Variants in CDX2 observed in about 807,000 individuals in gnomAD.
CDX2 encodes the protein caudal type homeobox 2, also known as homeobox protein CDX-2.
In CDX2, 7 loss-of-function variants were observed where a neutral mutation model predicts 25.5. The ratio of observed to expected loss-of-function variants is 0.27; its 90% CI spans 0.16 to 0.52. The LOEUF is 0.52. Among genes scored for constraint, CDX2 ranks in the 20% least tolerant of loss-of-function variants. CDX2 has a pLI of 0.97. For missense variants in CDX2, 375 were observed against 431.4 expected, an observed-to-expected ratio of 0.87 and a Z score of 1.16; for synonymous variants, 222 against 198.6, an observed-to-expected ratio of 1.12 and a Z score of -0.99.
chr13:27,968,571 C>T lies in CDX2; in HGVS notation c.436G>A (p.Gly146Arg). The T allele has an allele frequency of 6.4e-7, 1 of 1,570,038 alleles. No homozygotes were observed. The highest frequency in any genetic ancestry group is 8.6e-7 in the Non-Finnish European group (1 of 1,167,688). Reference protein sequence around the residue: ...LLQTLNPGPPGPAATAAAEQL... With the variant: ...LLQTLNPGPPRPAATAAAEQL... ...TCGGCGGCAGCGGTGGCGGCGGGCCCAGGAGGGCCGGGGTTGAGCGTTTGC... is the reference window on the plus strand; with the variant it reads ...TCGGCGGCAGCGGTGGCGGCGGGCCTAGGAGGGCCGGGGTTGAGCGTTTGC... The change falls in exon 1 of 3, where the codon GGG becomes AGG. Residue 146 changes from glycine to arginine, a missense_variant. Transcript: ENST00000381020.
In CDX2 at chr13:27,964,130, T is replaced by C. The variant is rs531502186; in HGVS notation, c.687+740A>G. On this transcript the variant is annotated intron_variant, in intron 2 of 2. Coordinates refer to ENST00000381020, the MANE Select transcript of CDX2 (RefSeq NM_001265.6). The surrounding 1 kb of genome is among the most constrained non-coding windows in gnomAD (Gnocchi z 4.7). ...AAAAGTACTCCAGGGCCAGGCACAG[T>C]GGCTCACACCTGTAATCTCAGCACT... Among the ~76,000 whole-genome samples the C allele has an allele frequency of 6.5e-4, 99 of 152,320 alleles. No homozygotes were observed. Among genetic ancestry groups the C allele is most frequent in the Admixed American group, 1.8e-3 (28 of 15,302 alleles).
chr13:27,968,551 G>T lies in CDX2; in HGVS notation c.456C>A (p.Ala152=), dbSNP rs751277189. 3.8e-6 allele frequency: 6 copies of T among 1,568,264 alleles called. No homozygotes were observed. In the South Asian group the frequency reaches 5.7e-5, roughly 15 times the overall value. The change falls in exon 1 of 3, where the codon GCC becomes GCA. Residue 152 remains alanine, a synonymous_variant. Transcript: ENST00000381020. ...GGCCGCCGGGAGACAGCTGCTCGGC[G>T]GCAGCGGTGGCGGCGGGCCCAGGAG... is the stretch of plus-strand genomic sequence containing the variant. ...PGPPGPAATA[A]AEQLSPGGQR...
At chr13:27,963,618 C>T (rs779304154) in intron 2 of CDX2, among the ~76,000 whole-genome samples, 1 of 152,138 alleles carries the variant, frequency 6.6e-6, no homozygotes, top group Non-Finnish European at 1.5e-5. Context: ...CTTTTATCTA[C>T]GTATTTACTG....
At chr13:27,963,501 G>C in intron 2 of CDX2, 132 bp from the exon 3 acceptor site, 1 of 763,592 alleles carries the variant, frequency 1.3e-6, no homozygotes, top group Non-Finnish European at 2.1e-6. Flanking sequence ...AGCTTTCCTC[G>C]GGCATCCCCA....
Position 27,963,240 on chromosome 13 carries a change from C to G in CDX2, c.817G>C (p.Gly273Arg), listed in dbSNP as rs1425163098. ...GGCTCTGGGACACTTCTCAGAGGACCTGGCTGAGGCTGGGGAGGCTGTGGT... is the reference window on the plus strand; with the variant it reads ...GGCTCTGGGACACTTCTCAGAGGACGTGGCTGAGGCTGGGGAGGCTGTGGT... ...PPPQPPQPQP[G>R]PLRSVPEPLS... is the part of the protein sequence containing the mutation. Residue 273 changes from glycine (G) to arginine (R), a missense_variant, in exon 3 of 3, where the codon GGT becomes CGT. Gly to Arg is a moderately radical substitution (Grantham distance 125). Around this residue, in one of 3 missense-constraint regions of CDX2, gnomAD observed 58 missense variants for 59.4 expected, o/e 0.98. Transcript: ENST00000381020. 5 of 1,614,034 alleles carry G rather than the reference C, an allele frequency of 3.1e-6. No homozygotes were observed. Among genetic ancestry groups the G allele is most frequent in the Non-Finnish European group, 4.2e-6 (5 of 1,180,026 alleles).
At chr13:27,965,584 C>A (rs1351117687) in intron 1 of CDX2, among the ~76,000 whole-genome samples, 1 of 152,212 alleles carries the variant, frequency 6.6e-6, no homozygotes, top group Non-Finnish European at 1.5e-5. Flanking sequence ...TGGGCTCTGG[C>A]CGAGGGAACA....
In CDX2 at chr13:27,968,757, C is replaced by T. The variant is rs903262296; in HGVS notation, c.250G>A (p.Gly84Ser). The change falls in exon 1 of 3, where the codon GGC becomes AGC. Residue 84 changes from glycine (G) to serine (S), a missense_variant. Physicochemically the swap from Gly to Ser is moderately conservative, Grantham distance 56. Coordinates refer to ENST00000381020, the MANE Select transcript of CDX2 (RefSeq NM_001265.6). ...REDWNGYAPG[G>S]AAAAANAVAH... ...ACGGCGTTGGCGGCGGCCGCGGCGC[C>T]TCCGGGCGCGTAGCCATTCCAGTCC... The T allele has an allele frequency of 2.4e-5, 36 of 1,503,760 alleles. 1 individual carries two copies. The highest frequency in any genetic ancestry group is 4.3e-5 in the Admixed American group (2 of 46,264). 93.2% of individuals were successfully genotyped at this position (1,503,760 alleles called of 1,614,324 possible). A position where few individuals can be genotyped will look rare whatever the true frequency, so the allele number is the denominator to read the frequency against.
In CDX2 at chr13:27,962,412, A is replaced by G; in HGVS notation, c.*703T>C. The stretch of plus-strand genomic sequence containing the variant: ...TATAGCACTGACATACATTCAGCCC[A>G]GAGAAGCTCTGGTGACAGGCTCTCT... On this transcript the variant is annotated 3_prime_UTR_variant, in exon 3 of 3. Transcript: ENST00000381020. The G allele has an allele frequency of 4.3e-6, 1 of 233,120 alleles. No individual in the cohort carries two copies. Among genetic ancestry groups the G allele is most frequent in the Non-Finnish European group, 8.5e-6 (1 of 117,730 alleles). 14.4% of individuals were successfully genotyped at this position (233,120 alleles called of 1,614,324 possible). A position where few individuals can be genotyped will look rare whatever the true frequency, so the allele number is the denominator to read the frequency against.
Position 27,968,940 on chromosome 13 carries a change from C to T in CDX2, c.67G>A (p.Gly23Ser), listed in dbSNP as rs993889248. 8 of 1,608,558 alleles carry T rather than the reference C, an allele frequency of 5.0e-6. No homozygotes were observed. Among genetic ancestry groups the T allele is most frequent in the Non-Finnish European group, 6.8e-6 (8 of 1,179,196 alleles). ...AAGTTCTGCGGCGCCAGGTTGAGGC[C>T]GCCAGAGTGGCGCACGGAGCTAGGG... ...MYPSSVRHSG[G>S]LNLAPQNFVS... The change falls in exon 1 of 3, where the codon GGC becomes AGC. Residue 23 changes from glycine (G) to serine (S), a missense_variant. Physicochemically the swap from Gly to Ser is moderately conservative, Grantham distance 56. Around this residue, in one of 3 missense-constraint regions of CDX2, gnomAD observed 253 missense variants for 247.5 expected, o/e 1.02. Transcript: ENST00000381020.
chr13:27,966,015 A>C (rs1869300974), intron 1 of CDX2, among the ~76,000 whole-genome samples: 1 of 152,238 alleles, frequency 6.6e-6, no homozygotes, highest in African/African-American at 2.4e-5. Flanking sequence ...CCGCAGGCTG[A>C]CTTTGTTCAG....
Position 27,961,340 on chromosome 13 carries a change from T to C in CDX2, c.*1775A>G, listed in dbSNP as rs2137530482. 6.6e-6 allele frequency among the ~76,000 whole-genome samples: 1 copy of C among 152,352 alleles called. No homozygotes were observed. The highest frequency in any genetic ancestry group is 6.5e-5 in the Admixed American group (1 of 15,310). ...AAGGCGCCTCCGTGGGCGCGCTGATTAGGCTCTCGGATGTTGGTGGGAAGA... is the reference window on the plus strand; with the variant it reads ...AAGGCGCCTCCGTGGGCGCGCTGATCAGGCTCTCGGATGTTGGTGGGAAGA... On this transcript the variant is annotated 3_prime_UTR_variant, in exon 3 of 3. Transcript: ENST00000381020.
Position 27,964,891 on chromosome 13 carries a change from C to T in CDX2, c.666G>A (p.Thr222=), listed in dbSNP as rs778236024. The change falls in exon 2 of 3, where the codon ACG becomes ACA. Residue 222 remains threonine, a synonymous_variant. Transcript: ENST00000381020. The surrounding 1 kb of genome is among the most constrained non-coding windows in gnomAD (Gnocchi z 4.7). ...CCACCTGCCTCTCAGAGAGCCCCAG[C>T]GTGGCGGCTAGCTCGGCTTTCCTCC... ...TIRRKAELAA[T]LGLSERQVKI... is the part of the protein sequence containing the mutation. 6.8e-6 allele frequency: 11 copies of T among 1,614,082 alleles called. No homozygotes were observed. The highest frequency in any genetic ancestry group is 3.3e-5 in the South Asian group (3 of 91,076).
At position 27,966,279 on chromosome 13, in the gene CDX2, G is replaced by T. The variant is rs369331640; in HGVS notation, c.542-1264C>A. 3.3e-5 allele frequency among the ~76,000 whole-genome samples: 5 copies of T among 152,334 alleles called. No homozygotes were observed. The East Asian group carries it at 9.7e-4, about 29-fold the overall frequency. On this transcript the variant is annotated intron_variant, in intron 1 of 2. Transcript: ENST00000381020. ...CATTAACATAAACACGACCCTGCAGGCGCATTTGAATGGGGCTGCGGCCCC... is the reference window on the plus strand; with the variant it reads ...CATTAACATAAACACGACCCTGCAGTCGCATTTGAATGGGGCTGCGGCCCC...
rs1279218920 is a variant in CDX2 at position 27,968,676 on chromosome 13, C to T, written c.331G>A (p.Ala111Thr). 4.6e-6 allele frequency: 7 copies of T among 1,533,326 alleles called. No homozygotes were observed. Among genetic ancestry groups the T allele is most frequent in the East Asian group, 2.5e-5 (1 of 39,978 alleles). 95.0% of individuals were successfully genotyped at this position (1,533,326 alleles called of 1,614,324 possible). The change falls in exon 1 of 3, where the codon GCA becomes ACA. Residue 111 changes from alanine to threonine, a missense_variant. Transcript: ENST00000381020. ...PAAAMGYSSP[A>T]DYHPHHHPHH... is the part of the protein sequence containing the mutation. ...GGGTGGTGGTGCGGATGGTAGTCTG[C>T]GGGGCTGCTGTAGCCCATGGCTGCG...
In CDX2 at chr13:27,962,914, G is replaced by C; in HGVS notation, c.*201C>G. On this transcript the variant is annotated 3_prime_UTR_variant, in exon 3 of 3. Transcript: ENST00000381020. The stretch of plus-strand genomic sequence containing the variant: ...GGCAGAAAAAGCCAGATGGGAAAAA[G>C]TAAAAATCTGGGAGAGTATATTTCT... 1.7e-6 allele frequency: 1 copy of C among 591,334 alleles called. No individual in the cohort carries two copies. 36.6% of individuals were successfully genotyped at this position (591,334 alleles called of 1,614,324 possible).
chr13:27,968,187 C>T (rs1284398837), intron 1 of CDX2, among the ~76,000 whole-genome samples: 4 of 152,252 alleles, frequency 2.6e-5, no homozygotes, highest in South Asian at 2.1e-4. Context: ...CCCGGAGCTT[C>T]CCGAAGGTGT....
At position 27,962,744 on chromosome 13, in the gene CDX2, C is replaced by A; in HGVS notation, c.*371G>T. On this transcript the variant is annotated 3_prime_UTR_variant, in exon 3 of 3. Transcript: ENST00000381020. ...CCTTTCCCTTGAGTCCCTCTCTCCCCTCGGCTCTAGCCAGAGGTGCAGCCT... is the reference window on the plus strand; with the variant it reads ...CCTTTCCCTTGAGTCCCTCTCTCCCATCGGCTCTAGCCAGAGGTGCAGCCT... 4.0e-6 allele frequency: 1 copy of A among 252,000 alleles called. No homozygotes were observed. Among genetic ancestry groups the A allele is most frequent in the Admixed American group, 5.4e-5 (1 of 18,634 alleles). The allele number at this position is 252,000 out of a possible 1,614,324, so 15.6% of individuals were successfully genotyped here. A position where few individuals can be genotyped will look rare whatever the true frequency, so the allele number is the denominator to read the frequency against.
At position 27,964,290 on chromosome 13, in the gene CDX2, T is replaced by C. The variant is rs1468503164; in HGVS notation, c.687+580A>G. 6.6e-6 allele frequency among the ~76,000 whole-genome samples: 1 copy of C among 152,138 alleles called. No individual in the cohort carries two copies. The highest frequency in any genetic ancestry group is 1.5e-5 in the Non-Finnish European group (1 of 68,022). ...GGCACATGCCTGTAGTCCCAGCTAT[T>C]TGGGAGGCTGAAGCAGGAGAATCGC... On this transcript the variant is annotated intron_variant, in intron 2 of 2. Coordinates refer to ENST00000381020, the MANE Select transcript of CDX2 (RefSeq NM_001265.6). This position sits in a 1 kb window ranked among gnomAD's most constrained non-coding sequence, Gnocchi z 4.7.
At position 27,961,424 on chromosome 13, in the gene CDX2, G is replaced by C. The variant is rs1054253911; in HGVS notation, c.*1691C>G. Reference sequence around the variant, plus strand: ...TCCTGCCGGAAAGTTCAGCTCGGCGGCCTCCAGGATCAAAAATTTTAAAGG... The same window carrying C: ...TCCTGCCGGAAAGTTCAGCTCGGCGCCCTCCAGGATCAAAAATTTTAAAGG... On this transcript the variant is annotated 3_prime_UTR_variant, in exon 3 of 3. Transcript: ENST00000381020. 6.6e-6 allele frequency among the ~76,000 whole-genome samples: 1 copy of C among 152,186 alleles called. No homozygotes were observed. The highest frequency in any genetic ancestry group is 1.5e-5 in the Non-Finnish European group (1 of 68,038).
Sources: allele counts gnomAD v4.1 joint callset (sites outside exome capture counted in the v4.1 genomes callset), GRCh38; gene constraint gnomAD v4.1.1; regional missense constraint gnomAD v4.1.1; non-coding constraint Gnocchi (gnomAD v3.1); transcripts MANE v1.5; gene names NCBI Gene and HGNC (gene_info 2026-07-23, HGNC 2026-07-21).